DLG5: variants seen among roughly 807,000 people sequenced by gnomAD.
The protein encoded by DLG5 is discs large MAGUK scaffold protein 5, also known as disks large homolog 5.
DLG5 carries 48 observed loss-of-function variants against 189.8 expected under a neutral mutation model. The observed-to-expected ratio is 0.25, with a 90% CI of 0.20 to 0.32. The LOEUF (loss-of-function observed/expected upper bound fraction) is 0.32, where lower values mean the gene tolerates loss of function less well. DLG5 is among the 10% of genes least tolerant of loss of function. The probability of loss-of-function intolerance (pLI) is 1.00; values close to 1 mark genes in which losing one functional copy is unlikely to be tolerated. For missense variants in DLG5, 2,160 were observed against 2,544.7 expected (o/e 0.85, Z 3.25); for synonymous variants, 1,016 against 1,054.1 (o/e 0.96, Z 0.70).
Position 77,895,601 on chromosome 10 carries a change from G to A in DLG5, c.305-26404C>T, listed in dbSNP as rs187551884. On this transcript the variant is annotated intron_variant, in intron 1 of 31. Transcript: ENST00000372391. ...CAAACCTCAATTCAGGGACACTGGA[G>A]AAGTCCCTCAGCTGTTCAGACCACA... Among the ~76,000 whole-genome samples the A allele has an allele frequency of 5.2e-3, 786 of 152,322 alleles. 6 individuals carry two copies. The highest frequency in any genetic ancestry group is 0.027 in the Middle Eastern group (8 of 294).
intron 27 of DLG5, among the ~76,000 whole-genome samples, chr10:77,800,217 C>T (rs1301390982): frequency 6.6e-6 from 1 of 152,158 alleles, no homozygotes; most frequent in East Asian, 1.9e-4. Context: ...ATTACCACTC[C>T]CAGGTATAAT....
chr10:77,936,729 G>A, the DLG5 span, among the ~76,000 whole-genome samples: 12 of 152,188 alleles, frequency 7.9e-5, no homozygotes, highest in Non-Finnish European at 8.8e-5. Flanking sequence ...AAAACCACAC[G>A]TCAATTATTG....
At chr10:77,930,937 C>G (rs1257448287), upstream of DLG5, among the ~76,000 whole-genome samples, 1 of 149,832 alleles carries the variant, frequency 6.7e-6, no homozygotes, top group African/African-American at 2.5e-5. Flanking sequence ...TCTCCTGCTT[C>G]AGCCTCCTGA....
chr10:77,892,895 CA>C (rs1845652053), intron 1 of DLG5, among the ~76,000 whole-genome samples: 1 of 152,236 alleles, frequency 6.6e-6, no homozygotes, highest in South Asian at 2.1e-4. Context: ...CAAGGACAAA[CA>C]AAGCTGAATC....
At chr10:77,798,818 T>C (rs899013569) in intron 27 of DLG5, among the ~76,000 whole-genome samples, 3 of 152,170 alleles carry the variant, frequency 2.0e-5, no homozygotes, top group East Asian at 1.9e-4. Flanking sequence ...ACAGTTGCTA[T>C]AGGGTGGAAT....
chr10:77,904,780 A>C (rs1310412124), intron 1 of DLG5, among the ~76,000 whole-genome samples: 2 of 151,532 alleles, frequency 1.3e-5, no homozygotes, highest in East Asian at 1.9e-4. Flanking sequence ...AAAAAAAAAA[A>C]CAAAAACATG....
intron 7 of DLG5, among the ~76,000 whole-genome samples, chr10:77,838,490 G>T (rs1843258341): frequency 6.6e-6 from 1 of 152,144 alleles, no homozygotes; most frequent in Non-Finnish European, 1.5e-5. Flanking sequence ...GGAGGCAAGG[G>T]CACAGCCAAC....
intron 13 of DLG5, among the ~76,000 whole-genome samples, chr10:77,826,085 C>T (rs1476880145): frequency 6.6e-6 from 1 of 152,128 alleles, no homozygotes; most frequent in Admixed American, 6.5e-5. Flanking sequence ...CTTTTTGGAG[C>T]AAAGGGGGAA....
intron 17 of DLG5, among the ~76,000 whole-genome samples, chr10:77,818,680 C>A (rs1359840933): frequency 6.6e-6 from 1 of 152,192 alleles, no homozygotes; most frequent in Non-Finnish European, 1.5e-5. Flanking sequence ...CCCTTCCTGA[C>A]CACCCACTCT....
intron 1 of DLG5, among the ~76,000 whole-genome samples, chr10:77,870,781 G>A (rs899285622): frequency 2.6e-5 from 4 of 152,118 alleles, no homozygotes; most frequent in African/African-American, 7.2e-5. Context: ...AAGAAATGGG[G>A]GTAAATGGGG....
rs190556687 is a variant in DLG5, at chr10:77,795,357, C to A, written c.5437-399G>T. Among the ~76,000 whole-genome samples, 40 of 152,266 alleles carry A rather than the reference C, an allele frequency of 2.6e-4. 1 individual carries two copies. In the East Asian group the frequency reaches 5.4e-3, roughly 21 times the overall value. ...TGAGACTGAAATATGTCTGTCATGT[C>A]TGTCGTCCCAGGCATCCAGGTGGAG... is the stretch of plus-strand genomic sequence containing the variant. On this transcript the variant is annotated intron_variant, in intron 29 of 31. Transcript: ENST00000372391.
intron 1 of DLG5, among the ~76,000 whole-genome samples, chr10:77,908,736 G>T (rs926802559): frequency 2.0e-5 from 3 of 151,798 alleles, no homozygotes; most frequent in African/African-American, 7.3e-5. Context: ...GGCACTATCT[G>T]TACTACTAGA....
intron 9 of DLG5, among the ~76,000 whole-genome samples, chr10:77,831,990 T>C (rs1842914822): frequency 6.6e-6 from 1 of 152,172 alleles, no homozygotes; most frequent in Non-Finnish European, 1.5e-5. Flanking sequence ...AGTGGATCAC[T>C]TGAGGTCAGG....
intron 6 of DLG5, among the ~76,000 whole-genome samples, chr10:77,842,658 C>T (rs1843481883): frequency 6.6e-6 from 1 of 152,210 alleles, no homozygotes; most frequent in African/African-American, 2.4e-5. Context: ...ATCTTCCACA[C>T]AGGCAGCCTG....
intron 17 of DLG5, 122 bp from the exon 18 acceptor site, chr10:77,818,011 C>T (rs977279025): frequency 2.6e-6 from 2 of 772,532 alleles, no homozygotes; most frequent in Admixed American, 2.5e-5. Flanking sequence ...CCAGGAGCCA[C>T]TGATTATCAG....
At chr10:77,807,573 G>A (rs2154575168) in intron 25 of DLG5, among the ~76,000 whole-genome samples, 1 of 152,312 alleles carries the variant, frequency 6.6e-6, no homozygotes, top group African/African-American at 2.4e-5. Context: ...TAGGTCTTAA[G>A]CCCTAAAGAG....
intron 22 of DLG5, 137 bp downstream of exon 22, chr10:77,811,787 G>A (rs1841785113): frequency 7.8e-7 from 1 of 1,282,224 alleles, no homozygotes; most frequent in Non-Finnish European, 1.0e-6. Context: ...ATCCAGGGCT[G>A]GTCAACTCTC....
At chr10:77,882,888 T>C (rs1021920244) in intron 1 of DLG5, among the ~76,000 whole-genome samples, 20 of 149,926 alleles carry the variant, frequency 1.3e-4, no homozygotes, top group African/African-American at 4.9e-4. Context: ...CACTCCAGCC[T>C]GGGTGCACTC....
intron 1 of DLG5, among the ~76,000 whole-genome samples, chr10:77,892,015 C>A (rs1589258524): frequency 6.6e-6 from 1 of 152,370 alleles, no homozygotes; most frequent in Non-Finnish European, 1.5e-5. Context: ...GATCACAGCA[C>A]CCTGCCCTCA....
Sources: allele counts gnomAD v4.1 joint callset (sites outside exome capture counted in the v4.1 genomes callset), GRCh38; gene constraint gnomAD v4.1.1; transcripts MANE v1.5; gene names NCBI Gene and HGNC (gene_info 2026-07-23, HGNC 2026-07-21).